Variants in TASP1 observed in about 807,000 individuals in gnomAD.
TASP1 encodes the protein taspase 1.
TASP1 carries 16 observed loss-of-function variants against 56.6 expected under a neutral mutation model. That is an observed-to-expected ratio of 0.28 (90% CI 0.19 to 0.43). TASP1 has a LOEUF of 0.43. TASP1 is among the 20% of genes least tolerant of loss of function. TASP1 has a pLI of 1.00. For synonymous variants in TASP1, 179 were observed against 184.2 expected, an observed-to-expected ratio of 0.97 and a Z score of 0.23; for missense variants, 393 against 511.6, an observed-to-expected ratio of 0.77 and a Z score of 2.24.
At chr20:13,273,771 A>T in the TASP1 span, among the ~76,000 whole-genome samples, 1 of 152,186 alleles carries the variant, frequency 6.6e-6, no homozygotes, top group Admixed American at 6.5e-5. Flanking sequence ...CAAAAAGAGT[A>T]AGCCAACAAT....
chr20:13,474,975 A>AT (rs900885848), intron 11 of TASP1, among the ~76,000 whole-genome samples: 7 of 151,256 alleles, frequency 4.6e-5, no homozygotes, highest in South Asian at 2.1e-4. Flanking sequence ...TTTTGATAGG[A>AT]TTTTTTTTTC....
At chr20:13,342,281 TTGTTTGTTTTTG>T in the TASP1 span, among the ~76,000 whole-genome samples, 1 of 151,988 alleles carries the variant, frequency 6.6e-6, no homozygotes, top group Non-Finnish European at 1.5e-5. Context: ...CCTGGGTGGG[TTGTTTGTTTTTG>T]TGTTTGTTTT....
chr20:13,299,464 A>G, the TASP1 span: 1,318 of 1,588,530 alleles, frequency 8.3e-4, 8 homozygotes, highest in African/African-American at 0.015. This position sits in a 1 kb window ranked among gnomAD's most constrained non-coding sequence, Gnocchi z 5.8. Context: ...TATTAAAGAG[A>G]CTGGGATGAG....
At chr20:13,181,909 G>C in the TASP1 span, among the ~76,000 whole-genome samples, 5 of 152,194 alleles carry the variant, frequency 3.3e-5, no homozygotes, top group Non-Finnish European at 5.9e-5. Context: ...AAGTAGTATA[G>C]AATTCAGAGA....
chr20:13,133,767 T>G, the TASP1 span, among the ~76,000 whole-genome samples: 1 of 152,126 alleles, frequency 6.6e-6, no homozygotes, highest in African/African-American at 2.4e-5. Context: ...TTAGGGGAAC[T>G]TACGTACAGG....
At chr20:13,443,402 A>T (rs1420998757) in intron 11 of TASP1, among the ~76,000 whole-genome samples, 1 of 152,260 alleles carries the variant, frequency 6.6e-6, no homozygotes, top group Non-Finnish European at 1.5e-5. Context: ...AAATTAATAA[A>T]TTAAGACAAT....
the TASP1 span, among the ~76,000 whole-genome samples, chr20:13,121,655 C>T: frequency 6.6e-5 from 10 of 152,252 alleles, no homozygotes; most frequent in East Asian, 1.9e-3. Flanking sequence ...ACTCATGGCT[C>T]ATAGCACCCA....
intron 8 of TASP1, among the ~76,000 whole-genome samples, chr20:13,552,019 T>C (rs142906454): frequency 8.5e-4 from 129 of 152,276 alleles, no homozygotes; most frequent in African/African-American, 2.7e-3. Flanking sequence ...AAAACTCAGA[T>C]TGAAGGAAAC....
At chr20:13,484,232 T>C (rs2146520914) in intron 10 of TASP1, among the ~76,000 whole-genome samples, 1 of 152,268 alleles carries the variant, frequency 6.6e-6, no homozygotes, top group Non-Finnish European at 1.5e-5. Context: ...GTTCAACCAT[T>C]ATGGAAGATA....
chr20:13,279,400 G>T, the TASP1 span, among the ~76,000 whole-genome samples: 1 of 152,080 alleles, frequency 6.6e-6, no homozygotes, highest in African/African-American at 2.4e-5. Context: ...GTAAATCAGG[G>T]ACTCTAGTGA....
chr20:13,125,883 C>A, the TASP1 span, among the ~76,000 whole-genome samples: 2 of 152,308 alleles, frequency 1.3e-5, no homozygotes, highest in South Asian at 4.1e-4. Flanking sequence ...GAAGCAACTG[C>A]GAAGTTGGAT....
chr20:13,565,167 T>C (rs1364492630), intron 7 of TASP1, among the ~76,000 whole-genome samples: 2 of 152,148 alleles, frequency 1.3e-5, no homozygotes, highest in Non-Finnish European at 2.9e-5. Context: ...CAACAAACTG[T>C]GTTTGAAAGA....
intron 13 of TASP1, among the ~76,000 whole-genome samples, chr20:13,391,917 G>A (rs1322169242): frequency 4.1e-5 from 6 of 147,416 alleles, no homozygotes; most frequent in East Asian, 4.0e-4. Flanking sequence ...GAAGTGAGCC[G>A]AGATCACGCC....
intron 11 of TASP1, among the ~76,000 whole-genome samples, chr20:13,438,210 C>A (rs1287714437): frequency 6.6e-6 from 1 of 151,964 alleles, no homozygotes; most frequent in Non-Finnish European, 1.5e-5. Flanking sequence ...AATCCTAAGC[C>A]AAAAGAACAA....
chr20:13,119,300 A>C, the TASP1 span, among the ~76,000 whole-genome samples: 1 of 152,202 alleles, frequency 6.6e-6, no homozygotes, highest in Non-Finnish European at 1.5e-5. Flanking sequence ...GGTGGATGTC[A>C]CATTTTTCCC....
At chr20:13,329,058 T>C in the TASP1 span, among the ~76,000 whole-genome samples, 2 of 152,234 alleles carry the variant, frequency 1.3e-5, no homozygotes, top group Admixed American at 6.5e-5. Flanking sequence ...ATTTCTTTCT[T>C]CAGCATTTGT....
the TASP1 span, chr20:13,279,851 C>A: frequency 6.2e-7 from 1 of 1,613,972 alleles, no homozygotes; most frequent in Admixed American, 1.7e-5. Flanking sequence ...TGGGACCATA[C>A]AGCCCCAGGC....
chr20:13,299,450 G>A, the TASP1 span: 1 of 1,599,116 alleles, frequency 6.3e-7, no homozygotes. This position sits in a 1 kb window ranked among gnomAD's most constrained non-coding sequence, Gnocchi z 5.8. Flanking sequence ...AAGAGGCCAG[G>A]GAATATTAAA....
At chr20:13,629,812 T>C (rs2049021614) in intron 2 of TASP1, 122 bp downstream of exon 2, 2 of 1,446,786 alleles carry the variant, frequency 1.4e-6, no homozygotes, top group Non-Finnish European at 1.9e-6. Context: ...ATCGCTTTGC[T>C]TCCAATTCCT....
Sources: gnomAD v4.1 joint callset for allele counts (sites outside exome capture counted in the v4.1 genomes callset) on GRCh38, gnomAD v4.1.1 for gene constraint, Gnocchi (gnomAD v3.1) non-coding constraint, MANE v1.5 for transcripts, NCBI Gene and HGNC (gene_info 2026-07-23, HGNC 2026-07-21) for gene names.